Variants in ACACB observed in about 807,000 individuals in gnomAD.
ACACB encodes the protein acetyl-CoA carboxylase beta.
Under a neutral mutation model 278.8 loss-of-function variants are expected in ACACB, and 209 were observed. The ratio of observed to expected loss-of-function variants is 0.75; its 90% CI spans 0.67 to 0.84. The LOEUF (loss-of-function observed/expected upper bound fraction) is 0.84. Among genes scored for constraint, ACACB ranks in the 40% least tolerant of loss-of-function variants. The pLI is 0.00. For missense variants in ACACB, 2,850 were observed against 3,269.0 expected (o/e 0.87, Z 3.13); for synonymous variants, 1,174 against 1,285.6 (o/e 0.91, Z 1.86).
At chr12:109,128,249 A>C (rs1300968256) in intron 1 of ACACB, among the ~76,000 whole-genome samples, 1 of 152,158 alleles carries the variant, frequency 6.6e-6, no homozygotes. Context: ...CCCGGGTTCA[A>C]GTGATTCTCC....
At chr12:109,138,601 G>A (rs1207156498) in intron 1 of ACACB, among the ~76,000 whole-genome samples, 1 of 151,956 alleles carries the variant, frequency 6.6e-6, no homozygotes, top group African/African-American at 2.4e-5. Context: ...TTGGCTGGGC[G>A]CGGTGGGTCA....
At chr12:109,264,464 G>A in intron 50 of ACACB, 78 bp downstream of exon 50, 1 of 1,546,092 alleles carries the variant, frequency 6.5e-7, no homozygotes, top group South Asian at 1.1e-5. Context: ...TGGGCTCGGG[G>A]GCGGGGAGGG....
intron 1 of ACACB, among the ~76,000 whole-genome samples, chr12:109,121,076 A>G (rs893298819): frequency 2.0e-5 from 3 of 152,096 alleles, no homozygotes; most frequent in African/African-American, 4.8e-5. Context: ...AGTAGCTGGG[A>G]CCACAGGTGC....
intron 9 of ACACB, among the ~76,000 whole-genome samples, chr12:109,177,459 T>A (rs998594328): frequency 1.3e-5 from 2 of 152,208 alleles, no homozygotes; most frequent in African/African-American, 4.8e-5. Context: ...AGTACATTGC[T>A]TTCTAGGAGT....
chr12:109,177,791 G>T (rs557972861), intron 9 of ACACB, among the ~76,000 whole-genome samples: 2 of 152,216 alleles, frequency 1.3e-5, no homozygotes, highest in East Asian at 3.8e-4. Context: ...TTCAGTCCTG[G>T]ATTCCATATT....
In ACACB at chr12:109,233,771, G is replaced by C; in HGVS notation, c.4163G>C (p.Cys1388Ser). 2 of 1,614,130 alleles carry C rather than the reference G, an allele frequency of 1.2e-6. No individual in the cohort carries two copies. The highest frequency in any genetic ancestry group is 1.7e-6 in the Non-Finnish European group (2 of 1,180,020). Residue 1388 changes from cysteine (C) to serine (S), a missense_variant, in exon 30 of 53, where the codon TGC becomes TCC. By Grantham distance (112) the Cys-to-Ser change is moderately radical. Coordinates refer to ENST00000338432, the MANE Select transcript of ACACB (RefSeq NM_001093.4). ...AGAAATTTTGATGAAGTCATCTCTT[G>C]CTTCGCCAACGTGCCCAAAGACACC... ...FTRNFDEVIS[C>S]FANVPKDTPL...
chr12:109,210,175 G>A (rs1184733959), intron 21 of ACACB, among the ~76,000 whole-genome samples: 1 of 63,062 alleles, frequency 1.6e-5, no homozygotes, highest in Non-Finnish European at 3.1e-5. Flanking sequence ...ATGTATATAT[G>A]TATATATACA....
intron 2 of ACACB, among the ~76,000 whole-genome samples, chr12:109,154,499 A>C (rs2043463323): frequency 2.0e-5 from 3 of 152,214 alleles, no homozygotes; most frequent in Admixed American, 2.0e-4. Context: ...AGGCTTTAAA[A>C]ATATATATCT....
intron 16 of ACACB, among the ~76,000 whole-genome samples, chr12:109,196,108 T>C (rs749165413): frequency 2.0e-5 from 3 of 152,176 alleles, no homozygotes; most frequent in African/African-American, 7.2e-5. Flanking sequence ...CTTTAGGGTG[T>C]GTGTTTTCTG....
intron 33 of ACACB, 88 bp downstream of exon 33, chr12:109,235,735 A>C (rs939746972): frequency 1.6e-6 from 2 of 1,247,506 alleles, no homozygotes; most frequent in Non-Finnish European, 2.3e-6. Context: ...TGGTGGCTCA[A>C]GCCCGTAATC....
rs574629301 is a variant in ACACB, at chr12:109,197,897, C to G, written c.2627+744C>G. On this transcript the variant is annotated intron_variant, in intron 17 of 52. Transcript: ENST00000338432. ...ATGCCAGAGTAATATTTTGTTATCT[C>G]CTTTTTTTTCTTTTTGAGAGAGGGT... Among the ~76,000 whole-genome samples, 3 of 152,156 alleles carry G rather than the reference C, an allele frequency of 2.0e-5. No homozygotes were observed. The East Asian group carries it at 5.8e-4, about 29-fold the overall frequency.
chr12:109,237,252 G>A lies in ACACB; in HGVS notation c.4534G>A (p.Ala1512Thr), dbSNP rs779472077. The A allele has an allele frequency of 6.8e-6, 11 of 1,614,050 alleles. No individual in the cohort carries two copies. Among genetic ancestry groups the A allele is most frequent in the Admixed American group, 5.0e-5 (3 of 59,988 alleles). Residue 1512 changes from alanine (A) to threonine (T), a missense_variant, in exon 34 of 53, where the codon GCC becomes ACC. Physicochemically the swap from Ala to Thr is moderately conservative, Grantham distance 58 (BLOSUM62 0). Transcript: ENST00000338432. ...CCGGATGCGTAACTTCGATCTGACC[G>A]CCGTGCCCTGTGCCAACCACAAGAT... ...LNRMRNFDLT[A>T]VPCANHKMHL...
chr12:109,184,885 T>C (rs961488335), intron 11 of ACACB, among the ~76,000 whole-genome samples: 16 of 152,028 alleles, frequency 1.1e-4, no homozygotes, highest in Admixed American at 5.2e-4. Context: ...GTTTTTTTAA[T>C]TTTTTCTGTA....
intron 48 of ACACB, among the ~76,000 whole-genome samples, chr12:109,261,149 A>C (rs12313567): frequency 0.069 from 10,528 of 152,246 alleles, 467 homozygotes; most frequent in African/African-American, 0.11. Context: ...TGATGACAAT[A>C]ATGTTCACAG....
intron 41 of ACACB, among the ~76,000 whole-genome samples, chr12:109,250,709 G>A (rs1025261605): frequency 1.3e-5 from 2 of 152,108 alleles, no homozygotes; most frequent in Non-Finnish European, 2.9e-5. Context: ...GGTGGTGGTA[G>A]TAGTAGTAGT....
chr12:109,262,462 A>C lies in ACACB; in HGVS notation c.6780A>C (p.Glu2260Asp), dbSNP rs765591079. Residue 2260 changes from glutamate to aspartate, a missense_variant, in exon 49 of 53, where the codon GAA becomes GAC. By Grantham distance (45) the Glu-to-Asp change is conservative. This residue lies in a region of ACACB where 579 missense variants were observed against 684.6 expected (regional missense o/e 0.85). Coordinates refer to ENST00000338432, the MANE Select transcript of ACACB (RefSeq NM_001093.4). ...ATCCAGCTTACAAGAAGCTCATGGA[A>C]CAGCTAGGTAAGGGGGTCCCAAAGG... The part of the protein sequence containing the change: ...RIDPAYKKLM[E>D]QLGEPDLSDK... 6.2e-7 allele frequency: 1 copy of C among 1,612,360 alleles called. No individual in the cohort carries two copies. Among genetic ancestry groups the C allele is most frequent in the Non-Finnish European group, 8.5e-7 (1 of 1,179,090 alleles).
chr12:109,210,197 A>G (rs1364789483), intron 21 of ACACB, among the ~76,000 whole-genome samples: 4 of 11,874 alleles, frequency 3.4e-4, no homozygotes, highest in East Asian at 1.2e-3. Flanking sequence ...ACGTGTGTAT[A>G]TGTATATATG....
At chr12:109,136,029 T>A (rs1013042685) in intron 1 of ACACB, among the ~76,000 whole-genome samples, 1 of 152,100 alleles carries the variant, frequency 6.6e-6, no homozygotes, top group African/African-American at 2.4e-5. Context: ...GCCAGGATAG[T>A]CTTGATCTCC....
chr12:109,123,814 G>A (rs2042611978), intron 1 of ACACB, among the ~76,000 whole-genome samples: 1 of 151,610 alleles, frequency 6.6e-6, no homozygotes, highest in Admixed American at 6.6e-5. Flanking sequence ...GAGTAGCTGG[G>A]ACTACAGGGA....
Sources: gnomAD v4.1 joint callset for allele counts (sites outside exome capture counted in the v4.1 genomes callset) on GRCh38, gnomAD v4.1.1 for gene constraint, gnomAD v4.1.1 regional missense constraint, MANE v1.5 for transcripts, NCBI Gene and HGNC (gene_info 2026-07-23, HGNC 2026-07-21) for gene names.